CFLAR: variants seen among roughly 807,000 people sequenced by gnomAD.
CFLAR encodes the protein CASP8 and FADD-like apoptosis regulator.
CFLAR carries 14 observed loss-of-function variants against 51.1 expected under a neutral mutation model. The observed-to-expected ratio is 0.27, with a 90% CI of 0.18 to 0.43. The LOEUF (loss-of-function observed/expected upper bound fraction) is 0.43. Among genes scored for constraint, CFLAR ranks in the 20% least tolerant of loss-of-function variants. CFLAR has a pLI of 1.00. For missense variants in CFLAR, 390 were observed against 566.5 expected (o/e 0.69, Z 3.16); for synonymous variants, 210 against 211.6 (o/e 0.99, Z 0.06).
At chr2:201,162,776 T>G in intron 9 of CFLAR, 1 of 432,722 alleles carries the variant, frequency 2.3e-6, no homozygotes, top group Middle Eastern at 6.7e-4. Context: ...CTTTATAACC[T>G]GCTTTTAGTT....
chr2:201,174,537 G>A lies in CFLAR; in HGVS notation c.*10564G>A, dbSNP rs368804456. ...AGAAATGTAGTCCTCTAACTTTGTTGTTGTTGTTGTTCTTCTTTTTTCTTT... is the reference window on the plus strand; with the variant it reads ...AGAAATGTAGTCCTCTAACTTTGTTATTGTTGTTGTTCTTCTTTTTTCTTT... On this transcript the variant is annotated 3_prime_UTR_variant, in exon 10 of 10. Transcript: ENST00000309955. 1 of 152,060 alleles carries A rather than the reference G, an allele frequency of 6.6e-6. No individual in the cohort carries two copies. Among genetic ancestry groups the A allele is most frequent in the African/African-American group, 2.4e-5 (1 of 41,394 alleles). 9.4% of individuals were successfully genotyped at this position (152,060 alleles called of 1,614,324 possible).
Position 201,140,447 on chromosome 2 carries a change from T to C in CFLAR, c.606+8T>C, listed in dbSNP as rs375681515. 1.9e-6 allele frequency: 3 copies of C among 1,579,996 alleles called. No individual in the cohort carries two copies. The African/African-American group carries it at 4.1e-5, about 22-fold the overall frequency. On this transcript the variant is annotated splice_region_variant and intron_variant, in intron 5 of 9. Transcript: ENST00000309955. The stretch of plus-strand genomic sequence containing the variant: ...CCTTCAAATAACTTCAGGGTGAGTC[T>C]GGAGAAAACATATGGAATCCCAGCA...
chr2:201,135,361 AG>A (rs1233317842), intron 3 of CFLAR, among the ~76,000 whole-genome samples: 1 of 152,164 alleles, frequency 6.6e-6, no homozygotes, highest in Non-Finnish European at 1.5e-5. Context: ...TAATAAACTT[AG>A]GAGGATTGTC....
At chr2:201,137,614 T>C in intron 4 of CFLAR, 2 of 753,500 alleles carry the variant, frequency 2.7e-6, no homozygotes, top group Non-Finnish European at 4.9e-6. Flanking sequence ...CCTGAGTACA[T>C]CATGGACCGA....
intron 1 of CFLAR, among the ~76,000 whole-genome samples, chr2:201,119,555 C>G (rs1277869000): frequency 1.4e-5 from 2 of 147,936 alleles, no homozygotes; most frequent in Non-Finnish European, 3.0e-5. Context: ...AAAGCACTAT[C>G]ATTATTGGAA....
chr2:201,159,375 T>C (rs1364845495), intron 8 of CFLAR, among the ~76,000 whole-genome samples: 1 of 152,030 alleles, frequency 6.6e-6, no homozygotes, highest in African/African-American at 2.4e-5. Context: ...AGTGTCACAA[T>C]GTTGGCTCAC....
Position 201,171,741 on chromosome 2 carries a change from G to A in CFLAR, c.*7768G>A, listed in dbSNP as rs1944032864. The stretch of plus-strand genomic sequence containing the variant: ...TAAAATTGCAGTTCAGTCAAACATT[G>A]GAAGTCTTTCTCTGACTGTCTAGTT... On this transcript the variant is annotated 3_prime_UTR_variant, in exon 10 of 10. Coordinates refer to ENST00000309955, the MANE Select transcript of CFLAR (RefSeq NM_003879.7). 1 of 151,248 alleles carries A rather than the reference G, an allele frequency of 6.6e-6. No homozygotes were observed. Among genetic ancestry groups the A allele is most frequent in the Non-Finnish European group, 1.5e-5 (1 of 67,956 alleles). The allele number at this position is 151,248 out of a possible 1,614,324, so 9.4% of individuals were successfully genotyped here. A position where few individuals can be genotyped will look rare whatever the true frequency, so the allele number is the denominator to read the frequency against.
chr2:201,139,354 T>C (rs542365599), intron 4 of CFLAR: 8 of 215,198 alleles, frequency 3.7e-5, no homozygotes, highest in African/African-American at 9.4e-5. Context: ...TTTCTCCCCA[T>C]GTGATAGTCT....
chr2:201,127,177 CAGG>C (rs2048791171), intron 1 of CFLAR, among the ~76,000 whole-genome samples: 1 of 152,136 alleles, frequency 6.6e-6, no homozygotes, highest in African/African-American at 2.4e-5. Flanking sequence ...CTTGATCAGT[CAGG>C]AGGATTGGGT....
In CFLAR at chr2:201,166,725, G is replaced by A. The variant is rs1357739677; in HGVS notation, c.*2752G>A. 1 of 168,476 alleles carries A rather than the reference G, an allele frequency of 5.9e-6. No homozygotes were observed. Among genetic ancestry groups the A allele is most frequent in the Admixed American group, 6.5e-5 (1 of 15,486 alleles). The allele number at this position is 168,476 out of a possible 1,614,324, so 10.4% of individuals were successfully genotyped here. A position where few individuals can be genotyped will look rare whatever the true frequency, so the allele number is the denominator to read the frequency against. On this transcript the variant is annotated 3_prime_UTR_variant, in exon 10 of 10. Transcript: ENST00000309955. ...TCTGCCCGCAATCCCGGCACCTCGG[G>A]AGGCCGAGGCTGGCAGATCACTCGC...
chr2:201,149,212 A>C, intron 7 of CFLAR, 160 bp downstream of exon 7: 1 of 557,026 alleles, frequency 1.8e-6, no homozygotes, highest in Non-Finnish European at 3.2e-6. Flanking sequence ...TGAATAACAA[A>C]GAGAAAGATG....
At chr2:201,123,784 T>C (rs2048418077) in intron 1 of CFLAR, among the ~76,000 whole-genome samples, 2 of 152,240 alleles carry the variant, frequency 1.3e-5, no homozygotes, top group Non-Finnish European at 2.9e-5. Flanking sequence ...AATTTTGTTA[T>C]GTTCAAGATG....
At chr2:201,144,658 AGAAATCC>A (rs1443646685) in intron 5 of CFLAR, among the ~76,000 whole-genome samples, 2 of 152,212 alleles carry the variant, frequency 1.3e-5, no homozygotes, top group Non-Finnish European at 2.9e-5. Context: ...TGTCTGGCCT[AGAAATCC>A]GACTCTTAAC....
At chr2:201,153,911 T>C (rs979756440) in intron 8 of CFLAR, among the ~76,000 whole-genome samples, 6 of 139,292 alleles carry the variant, frequency 4.3e-5, no homozygotes, top group African/African-American at 1.6e-4. Context: ...TTCTTTTTTT[T>C]TTTTTTTTTT....
rs752116723 is a variant in CFLAR at position 201,163,964 on chromosome 2, C to T, written c.1434C>T (p.Ser478=). The change falls in exon 10 of 10, where the codon TCC becomes TCT. Residue 478 remains serine, a synonymous_variant. Transcript: ENST00000309955. ...QHTLRKKLIL[S]YT is the part of the protein sequence containing the mutation. ...CTCTGAGAAAGAAACTTATCCTCTC[C>T]TACACATAAGAAACCAAAAGGCTGG... 6.2e-7 allele frequency: 1 copy of T among 1,613,194 alleles called. No individual in the cohort carries two copies. Among genetic ancestry groups the T allele is most frequent in the Non-Finnish European group, 8.5e-7 (1 of 1,179,690 alleles).
chr2:201,148,856 T>C, intron 6 of CFLAR, 147 bp from the exon 7 acceptor site: 1 of 604,824 alleles, frequency 1.7e-6, no homozygotes, highest in Non-Finnish European at 3.0e-6. Flanking sequence ...GGTTGAAACC[T>C]TGGGGCCAAG....
chr2:201,126,156 G>C, intron 1 of CFLAR, among the ~76,000 whole-genome samples: 1 of 152,072 alleles, frequency 6.6e-6, no homozygotes, highest in East Asian at 1.9e-4. Context: ...TCGAAGAAGG[G>C]GCTAGATTTT....
At position 201,162,902 on chromosome 2, in the gene CFLAR, T is replaced by C. The variant is rs1019559121; in HGVS notation, c.1305-933T>C. ...GCCATAGCTTAATTTACTTGATCAA[T>C]CTTCAGTTGTTGCACAGTGTTTGCT... is the stretch of plus-strand genomic sequence containing the variant. On this transcript the variant is annotated intron_variant, in intron 9 of 9. Transcript: ENST00000309955. 66 of 643,868 alleles carry C rather than the reference T, an allele frequency of 1.0e-4. 1 individual carries two copies. Among genetic ancestry groups the C allele is most frequent in the Non-Finnish European group, 1.2e-4 (41 of 351,340 alleles). 39.9% of individuals were successfully genotyped at this position (643,868 alleles called of 1,614,324 possible).
chr2:201,159,263 G>A (rs534104971), intron 8 of CFLAR, among the ~76,000 whole-genome samples: 2 of 151,874 alleles, frequency 1.3e-5, no homozygotes, highest in South Asian at 2.1e-4. Context: ...TATAGACTTA[G>A]GAATATCAGC....
Sources: gnomAD v4.1 joint callset for allele counts (sites outside exome capture counted in the v4.1 genomes callset) on GRCh38, gnomAD v4.1.1 for gene constraint, MANE v1.5 for transcripts, NCBI Gene and HGNC (gene_info 2026-07-23, HGNC 2026-07-21) for gene names.